The following GDPD2 variants were observed in gnomAD, a reference collection of about 807,000 sequenced individuals.
GDPD2 encodes glycerophosphodiester phosphodiesterase 3.
Under a neutral mutation model 49.2 loss-of-function variants are expected in GDPD2, and 23 were observed. That is an observed-to-expected ratio of 0.47 (90% CI 0.34 to 0.66). GDPD2 has a LOEUF of 0.66. GDPD2 is among the 30% of genes least tolerant of loss of function. The probability of loss-of-function intolerance (pLI) is 0.01; values close to 1 mark genes in which losing one functional copy is unlikely to be tolerated. For synonymous variants in GDPD2, 167 were observed against 171.4 expected, an observed-to-expected ratio of 0.97 and a Z score of 0.20; for missense variants, 338 against 424.7, an observed-to-expected ratio of 0.80 and a Z score of 1.79.
rs2086494559 is a variant in GDPD2 at position 70,433,191 on chromosome X, G to A, written c.*105G>A. The A allele has an allele frequency of 7.9e-6, 5 of 635,133 alleles. No homozygotes were observed. The African/African-American group carries it at 1.1e-4, about 14-fold the overall frequency. 52.3% of individuals were successfully genotyped at this position (635,133 alleles called of 1,213,427 possible). A position where few individuals can be genotyped will look rare whatever the true frequency, so the allele number is the denominator to read the frequency against. On this transcript the variant is annotated 3_prime_UTR_variant, in exon 16 of 16. Coordinates refer to ENST00000374382, the MANE Select transcript of GDPD2 (RefSeq NM_017711.4). ...CTTCAGGGGTGGTGGGTTGCAAGTG[G>A]GGGGAGCTTTGCCAACAGGAGGTTT...
chrX:70,430,893 C>T, intron 12 of GDPD2: 1 of 407,336 alleles, frequency 2.5e-6, no homozygotes, highest in Non-Finnish European at 4.2e-6. Flanking sequence ...GCTTTGAACT[C>T]CTGGGCTCAA....
At position 70,427,343 on chromosome X, in the gene GDPD2, T is replaced by A; in HGVS notation, c.816T>A (p.Asp272Glu). 1 of 1,210,078 alleles carries A rather than the reference T, an allele frequency of 8.3e-7. No individual in the cohort carries two copies. Among genetic ancestry groups the A allele is most frequent in the Non-Finnish European group, 1.1e-6 (1 of 894,183 alleles). Reference sequence around the variant, plus strand: ...ATGGGGTCCCCTTCCTCATGCATGATGAGCACCTCAGCAGGACCACGAATG... The same window carrying A: ...ATGGGGTCCCCTTCCTCATGCATGAAGAGCACCTCAGCAGGACCACGAATG... Reference protein sequence around the residue: ...SSDGVPFLMHDEHLSRTTNVA... With the variant: ...SSDGVPFLMHEEHLSRTTNVA... The change falls in exon 10 of 16, where the codon GAT becomes GAA. Residue 272 changes from aspartate (D) to glutamate (E), a missense_variant. Physicochemically the swap from Asp to Glu is conservative, Grantham distance 45 (BLOSUM62 2). This residue lies in a region of GDPD2 where 253 missense variants were observed against 330.4 expected (regional missense o/e 0.77). Transcript: ENST00000374382.
At chrX:70,429,881 C>T in intron 11 of GDPD2, 34 bp from the exon 12 acceptor site, 1 of 1,207,683 alleles carries the variant, frequency 8.3e-7, no homozygotes, top group Non-Finnish European at 1.1e-6. Context: ...CCTAGGTCTT[C>T]CCCAGCTTCA....
intron 10 of GDPD2, among the ~76,000 whole-genome samples, 160 bp from the exon 11 acceptor site, chrX:70,429,333 T>A (rs1383515574): frequency 9.0e-6 from 1 of 110,759 alleles, no homozygotes; most frequent in African/African-American, 3.3e-5. Context: ...CAGAGTAAGA[T>A]GGTAGACGGT....
At chrX:70,423,752 C>A (rs761633975) in intron 1 of GDPD2, among the ~76,000 whole-genome samples, 177 of 111,103 alleles carry the variant, frequency 1.6e-3, no homozygotes, top group African/African-American at 5.6e-3. Flanking sequence ...CCTACCCTAA[C>A]CCTCCTTTCC....
At chrX:70,426,236 T>A in intron 5 of GDPD2, 125 bp downstream of exon 5, 5 of 779,602 alleles carry the variant, frequency 6.4e-6, no homozygotes, top group Non-Finnish European at 9.7e-6. Flanking sequence ...GCCCAGTAAG[T>A]GTTGAGTGAA....
In GDPD2 at chrX:70,427,440, A is replaced by G. The variant is rs1422613881; in HGVS notation, c.913A>G (p.Asn305Asp). ...DFSWTELKRL[N>D]AGSWFLERRP... ...CTCCTGGACTGAACTGAAGAGACTC[A>G]ATGCTGGATCCTGGTTCCTAGAGGT... is the stretch of plus-strand genomic sequence containing the variant. The change falls in exon 10 of 16, where the codon AAT becomes GAT. Residue 305 changes from asparagine to aspartate, a missense_variant. Transcript: ENST00000374382. 2 of 1,210,480 alleles carry G rather than the reference A, an allele frequency of 1.7e-6. No homozygotes were observed. The highest frequency in any genetic ancestry group is 2.2e-6 in the Non-Finnish European group (2 of 894,369).
rs760556032 is a variant in GDPD2, at chrX:70,430,062, A to G, written c.1306A>G (p.Lys436Glu). 8.3e-7 allele frequency: 1 copy of G among 1,203,262 alleles called. No homozygotes were observed. The highest frequency in any genetic ancestry group is 1.1e-6 in the Non-Finnish European group (1 of 889,870). ...PYQDLPLLDI[K>E]ALHKDNVSVN... ...TCAAGATCTGCCACTATTGGATATC[A>G]AGTGAGTGCTAGAGGAAAGGAACCA... The change falls in exon 12 of 16, where the codon AAG (lysine) becomes GAG (glutamate). Residue 436 changes from lysine (K) to glutamate (E), a missense_variant and splice_region_variant. This residue lies in a region of GDPD2 where 253 missense variants were observed against 330.4 expected (regional missense o/e 0.77). Transcript: ENST00000374382.
chrX:70,425,742 C>CCTCCCT (rs1242959119), intron 3 of GDPD2, 21 bp from the exon 4 acceptor site: 4 of 1,030,889 alleles, frequency 3.9e-6, no homozygotes, highest in Non-Finnish European at 5.5e-6. Flanking sequence ...CACTTGGACA[C>CCTCCCT]CTCCCTCTCC....
intron 12 of GDPD2, among the ~76,000 whole-genome samples, chrX:70,430,616 G>C (rs1401828448): frequency 6.3e-5 from 7 of 111,357 alleles, no homozygotes; most frequent in Non-Finnish European, 9.4e-5. Flanking sequence ...CAGGGTAAGA[G>C]AGCGTGAATC....
chrX:70,432,398 G>A lies in GDPD2; in HGVS notation c.1399G>A (p.Val467Ile). The change falls in exon 13 of 16, where the codon GTC becomes ATC. Residue 467 changes from valine to isoleucine, a missense_variant. By Grantham distance (29) the Val-to-Ile change is conservative. Around this residue, in one of 3 missense-constraint regions of GDPD2, gnomAD observed 253 missense variants for 330.4 expected, o/e 0.77. Coordinates refer to ENST00000374382, the MANE Select transcript of GDPD2 (RefSeq NM_017711.4). The stretch of plus-strand genomic sequence containing the variant: ...GCTTTGGTGTGCAGGGGTGGATTCG[G>A]TCACCACCAACGACTGCCAGCTGCT... Reference protein sequence around the residue: ...SLLWCAGVDSVTTNDCQLLQQ... With the variant: ...SLLWCAGVDSITTNDCQLLQQ... 1 of 1,210,221 alleles carries A rather than the reference G, an allele frequency of 8.3e-7. No homozygotes were observed. Among genetic ancestry groups the A allele is most frequent in the Non-Finnish European group, 1.1e-6 (1 of 894,272 alleles).
intron 1 of GDPD2, among the ~76,000 whole-genome samples, chrX:70,424,254 G>A (rs1000491069): frequency 1.8e-5 from 2 of 111,376 alleles, no homozygotes; most frequent in Admixed American, 9.6e-5. Flanking sequence ...GCAGGAAAGG[G>A]CAGGACTTGA....
At position 70,431,514 on chromosome X, in the gene GDPD2, TA is replaced by T. The variant is rs779254214; in HGVS notation, c.1308-791del. ...AGTGGGATGTAACATTGCCGAAGGC[TA>T]ACCTGACTCTGGACTACCTGAATAC... On this transcript the variant is annotated intron_variant, in intron 12 of 15. Coordinates refer to ENST00000374382, the MANE Select transcript of GDPD2 (RefSeq NM_017711.4). 4.2e-3 allele frequency among the ~76,000 whole-genome samples: 472 copies of T among 112,803 alleles called. 5 individuals carry two copies. Among genetic ancestry groups the T allele is most frequent in the African/African-American group, 0.014 (437 of 31,129 alleles).
intron 12 of GDPD2, chrX:70,430,977 C>A (rs992002970): frequency 2.1e-5 from 8 of 388,840 alleles, no homozygotes; most frequent in Admixed American, 4.8e-5. Flanking sequence ...TTTTTAGAGA[C>A]AGGTTCCTAC....
intron 5 of GDPD2, 90 bp from the exon 6 acceptor site, chrX:70,426,281 G>A (rs995165812): frequency 4.6e-5 from 39 of 841,742 alleles, no homozygotes; most frequent in Non-Finnish European, 6.1e-5. Flanking sequence ...GAAGGGAAGG[G>A]TCGGGTCCCA....
chrX:70,425,700 T>TC, intron 3 of GDPD2, 63 bp from the exon 4 acceptor site: 1 of 444,330 alleles, frequency 2.3e-6, no homozygotes, highest in Non-Finnish European at 4.1e-6. Flanking sequence ...CCACCCCACC[T>TC]CCCCTCAGGC....
rs775070886 is a variant in GDPD2 at position 70,429,629 on chromosome X, G to A, written c.1073G>A (p.Arg358Gln). The A allele has an allele frequency of 1.6e-5, 19 of 1,206,577 alleles. No individual in the cohort carries two copies. The highest frequency in any genetic ancestry group is 3.5e-5 in the African/African-American group (2 of 56,566). ...LNLSIMFDLR[R>Q]PPQNHTYYDT... ...CTTTCCATCATGTTCGACTTGCGCCGACCCCCACAGAACCACACATACTAT... is the reference window on the plus strand; with the variant it reads ...CTTTCCATCATGTTCGACTTGCGCCAACCCCCACAGAACCACACATACTAT... The change falls in exon 11 of 16, where the codon CGA becomes CAA. Residue 358 changes from arginine to glutamine, a missense_variant. Transcript: ENST00000374382.
At position 70,427,390 on chromosome X, in the gene GDPD2, G is replaced by A. The variant is rs755982284; in HGVS notation, c.863G>A (p.Arg288Gln). Residue 288 changes from arginine to glutamine, a missense_variant, in exon 10 of 16, where the codon CGA (arginine) becomes CAA (glutamine). This residue lies in a region of GDPD2 where 253 missense variants were observed against 330.4 expected (regional missense o/e 0.77). Coordinates refer to ENST00000374382, the MANE Select transcript of GDPD2 (RefSeq NM_017711.4). The part of the protein sequence containing the change: ...TTNVASVFPT[R>Q]ITAHSSDFSW... The stretch of plus-strand genomic sequence containing the variant: ...AATGTAGCCTCTGTATTCCCAACCC[G>A]AATCACAGCCCACAGCAGTGACTTC... The A allele has an allele frequency of 1.7e-6, 2 of 1,206,055 alleles. No individual in the cohort carries two copies. The highest frequency in any genetic ancestry group is 2.3e-4 in the Middle Eastern group (1 of 4,346).
intron 5 of GDPD2, 85 bp from the exon 6 acceptor site, chrX:70,426,286 G>C (rs2086422911): frequency 1.2e-6 from 1 of 867,943 alleles, no homozygotes; most frequent in Non-Finnish European, 1.7e-6. Context: ...GAAGGGTCGG[G>C]TCCCATCTCT....
Sources: allele counts gnomAD v4.1 joint callset (sites outside exome capture counted in the v4.1 genomes callset), GRCh38; gene constraint gnomAD v4.1.1; regional missense constraint gnomAD v4.1.1; transcripts MANE v1.5; gene names NCBI Gene and HGNC (gene_info 2026-07-23, HGNC 2026-07-21).